Variants in RYR1 observed in about 807,000 individuals in gnomAD.
RYR1 encodes the protein ryanodine receptor 1, also known as central core disease of muscle.
In RYR1, 342 loss-of-function variants were observed where a neutral mutation model predicts 583.5. The observed-to-expected ratio is 0.59, with a 90% CI of 0.54 to 0.64. The LOEUF (loss-of-function observed/expected upper bound fraction) is 0.64, where lower values mean the gene tolerates loss of function less well. Among genes scored for constraint, RYR1 ranks in the 30% least tolerant of loss-of-function variants. The pLI is 0.00. For synonymous variants in RYR1, 2,791 were observed against 2,822.5 expected, an observed-to-expected ratio of 0.99 and a Z score of 0.35; for missense variants, 6,032 against 6,917.2, an observed-to-expected ratio of 0.87 and a Z score of 4.54.
intron 76 of RYR1, among the ~76,000 whole-genome samples, chr19:38,530,546 A>G (rs1167022902): frequency 6.6e-6 from 1 of 151,686 alleles, no homozygotes; most frequent in Non-Finnish European, 1.5e-5. Context: ...TTGGGATTAC[A>G]GGCATGAGCC....
Position 38,496,602 on chromosome 19 carries a change from C to T in RYR1, c.6796+61C>T, listed in dbSNP as rs1730977669. The T allele has an allele frequency of 6.3e-7, 1 of 1,594,798 alleles. No individual in the cohort carries two copies. The highest frequency in any genetic ancestry group is 8.6e-7 in the Non-Finnish European group (1 of 1,164,702). ...ACCCACTCCTGGCACCCCGTCCAGG[C>T]CTGCCCCACTTTCCACCAGCTCACT... On this transcript the variant is annotated intron_variant, in intron 41 of 105. Coordinates refer to ENST00000359596, the MANE Select transcript of RYR1 (RefSeq NM_000540.3). The surrounding 1 kb of genome is among the most constrained non-coding windows in gnomAD (Gnocchi z 4.8).
In RYR1 at chr19:38,475,387, C is replaced by T. The variant is rs750872878; in HGVS notation, c.4230C>T (p.Leu1410=). The T allele has an allele frequency of 6.2e-6, 10 of 1,613,810 alleles. No individual in the cohort carries two copies. The highest frequency in any genetic ancestry group is 3.3e-4 in the Middle Eastern group (2 of 6,084). The part of the protein sequence containing the change: ...QPPATPTLPR[L]PHDVVPADNR... ...CGGCCACCCCCACGCTGCCCCGACT[C>T]CCTCACGACGTGGTGCCTGCAGACA... Residue 1410 remains leucine, a synonymous_variant, in exon 29 of 106, where the codon CTC becomes CTT. Coordinates refer to ENST00000359596, the MANE Select transcript of RYR1 (RefSeq NM_000540.3).
chr19:38,500,583 CT>C lies in RYR1; in HGVS notation c.7324-22del, dbSNP rs745684309. On this transcript the variant is annotated intron_variant, in intron 45 of 105. Transcript: ENST00000359596. This position sits in a 1 kb window ranked among gnomAD's most constrained non-coding sequence, Gnocchi z 5.9. ...GGGCACCAGCGCCTGATGAGTGCCC[CT>C]CTCCCTCCCTCTACTCCCCAGCTAA... is the stretch of plus-strand genomic sequence containing the variant. The C allele has an allele frequency of 9.9e-6, 16 of 1,611,768 alleles. No individual in the cohort carries two copies. Among genetic ancestry groups the C allele is most frequent in the Non-Finnish European group, 1.4e-5 (16 of 1,179,876 alleles).
In RYR1 at chr19:38,496,426, G is replaced by T; in HGVS notation, c.6681G>T (p.Lys2227Asn). 6.2e-7 allele frequency: 1 copy of T among 1,613,848 alleles called. No homozygotes were observed. Among genetic ancestry groups the T allele is most frequent in the Non-Finnish European group, 8.5e-7 (1 of 1,180,028 alleles). Residue 2227 changes from lysine (K) to asparagine (N), a missense_variant, in exon 41 of 106, where the codon AAG (lysine) becomes AAT (asparagine). Lys to Asn is a moderately conservative substitution (Grantham distance 94, BLOSUM62 0). Around this residue, in one of 11 missense-constraint regions of RYR1, gnomAD observed 2,627 missense variants for 2,961.3 expected, o/e 0.89. Coordinates refer to ENST00000359596, the MANE Select transcript of RYR1 (RefSeq NM_000540.3). This position sits in a 1 kb window ranked among gnomAD's most constrained non-coding sequence, Gnocchi z 4.8. ...GGESKEIRFP[K>N]MVTSCCRFLC... is the part of the protein sequence containing the mutation. Reference sequence around the variant, plus strand: ...TGTCCCAGGAGATCCGCTTCCCCAAGATGGTGACAAGCTGCTGCCGCTTCC... The same window carrying T: ...TGTCCCAGGAGATCCGCTTCCCCAATATGGTGACAAGCTGCTGCCGCTTCC...
rs1364240080 is a variant in RYR1 at position 38,459,202 on chromosome 19, G to A, written c.2224G>A (p.Val742Met). Residue 742 changes from valine (V) to methionine (M), a missense_variant, in exon 19 of 106, where the codon GTG becomes ATG. Val to Met is a conservative substitution (Grantham distance 21, BLOSUM62 1). Around this residue, in one of 11 missense-constraint regions of RYR1, gnomAD observed 2,627 missense variants for 2,961.3 expected, o/e 0.89. Transcript: ENST00000359596. ...GCAGCACCTCCTGGCCCCTGAAGAC[G>A]TGATCAGCTGCTGCCTGGACCTCAG... ...PGQHLLAPED[V>M]ISCCLDLSVP... 3 of 1,614,160 alleles carry A rather than the reference G, an allele frequency of 1.9e-6. No homozygotes were observed. The highest frequency in any genetic ancestry group is 2.5e-6 in the Non-Finnish European group (3 of 1,180,032).
At position 38,527,015 on chromosome 19, in the gene RYR1, G is replaced by C; in HGVS notation, c.10649G>C (p.Arg3550Pro). ...CAGAAAGACACAGATGAGGAGGTCC[G>C]GGAATTTCTGCACAACAACCTTCAC... ...YALKDTDEEV[R>P]EFLHNNLHLQ... Residue 3550 changes from arginine to proline, a missense_variant, in exon 72 of 106, where the codon CGG (arginine) becomes CCG (proline). Physicochemically the swap from Arg to Pro is moderately radical, Grantham distance 103 (BLOSUM62 -2). Around this residue, in one of 11 missense-constraint regions of RYR1, gnomAD observed 1,493 missense variants for 1,715.5 expected, o/e 0.87. Transcript: ENST00000359596. 1 of 1,613,900 alleles carries C rather than the reference G, an allele frequency of 6.2e-7. No individual in the cohort carries two copies. Among genetic ancestry groups the C allele is most frequent in the Non-Finnish European group, 8.5e-7 (1 of 1,179,886 alleles).
rs373782352 is a variant in RYR1 at position 38,532,557 on chromosome 19, C to A, written c.11193+16C>A. ...CATGGCAAAGGTGAGGCCCTACCCC[C>A]CTCTTCTGGGGCAGATTTCCCTCTC... On this transcript the variant is annotated intron_variant, in intron 77 of 105. Transcript: ENST00000359596. 1 of 1,614,144 alleles carries A rather than the reference C, an allele frequency of 6.2e-7. No homozygotes were observed. Among genetic ancestry groups the A allele is most frequent in the Non-Finnish European group, 8.5e-7 (1 of 1,180,014 alleles).
intron 71 of RYR1, among the ~76,000 whole-genome samples, chr19:38,526,094 C>T (rs890776718): frequency 6.6e-6 from 1 of 152,018 alleles, no homozygotes; most frequent in African/African-American, 2.4e-5. Context: ...GCATAACTCC[C>T]CAGGATCCAT....
intron 1 of RYR1, among the ~76,000 whole-genome samples, chr19:38,436,209 CT>C (rs1045573135): frequency 1.3e-5 from 2 of 151,094 alleles, no homozygotes; most frequent in South Asian, 2.1e-4. Flanking sequence ...CACGCCCGGC[CT>C]TTTTTTTTCT....
intron 79 of RYR1, 101 bp from the exon 80 acceptor site, chr19:38,535,040 A>T: frequency 2.4e-6 from 3 of 1,263,980 alleles, no homozygotes; most frequent in Non-Finnish European, 3.4e-6. Context: ...CACACTCTTA[A>T]ATCCCCTTCT....
chr19:38,581,656 TG>T (rs1974215652), intron 101 of RYR1, among the ~76,000 whole-genome samples: 1 of 152,140 alleles, frequency 6.6e-6, no homozygotes. Context: ...TGGAGTGCAG[TG>T]ACATGACCTC....
At chr19:38,581,234 C>T (rs546128650) in intron 101 of RYR1, among the ~76,000 whole-genome samples, 10 of 152,166 alleles carry the variant, frequency 6.6e-5, no homozygotes, top group African/African-American at 9.7e-5. Context: ...CCCGCCACCA[C>T]GCCTGGCAAA....
intron 13 of RYR1, among the ~76,000 whole-genome samples, chr19:38,453,677 G>A (rs951400882): frequency 2.6e-5 from 4 of 151,814 alleles, no homozygotes; most frequent in African/African-American, 9.7e-5. Flanking sequence ...GGAGTGTTGG[G>A]GTTTTGCAGT....
rs2145847665 is a variant in RYR1 at position 38,565,726 on chromosome 19, A to G, written c.13392A>G (p.Glu4464=). ...ACATGGGGGACACGACGCCTGCGGA[A>G]CCGCCCACACCCGAGGGCTCTCCCA... ...LGDMGDTTPA[E]PPTPEGSPIL... is the part of the protein sequence containing the mutation. Residue 4464 remains glutamate, a synonymous_variant, in exon 91 of 106, where the codon GAA becomes GAG. Transcript: ENST00000359596. This position sits in a 1 kb window ranked among gnomAD's most constrained non-coding sequence, Gnocchi z 4.7. 7.0e-7 allele frequency: 1 copy of G among 1,429,030 alleles called. No individual in the cohort carries two copies. Among genetic ancestry groups the G allele is most frequent in the Non-Finnish European group, 9.1e-7 (1 of 1,099,362 alleles). 88.5% of individuals were successfully genotyped at this position (1,429,030 alleles called of 1,614,324 possible).
chr19:38,569,795 G>C (rs1281676269), intron 93 of RYR1, among the ~76,000 whole-genome samples: 1 of 152,184 alleles, frequency 6.6e-6, no homozygotes, highest in Non-Finnish European at 1.5e-5. Context: ...CTTCACAGGG[G>C]TGTACTGAGA....
chr19:38,464,523 C>A, intron 22 of RYR1, 116 bp from the exon 23 acceptor site: 1 of 810,432 alleles, frequency 1.2e-6, no homozygotes, highest in East Asian at 2.7e-5. Context: ...GGCCAGAGCG[C>A]CCCAGGCACT....
intron 31 of RYR1, among the ~76,000 whole-genome samples, chr19:38,480,410 A>G (rs1445543997): frequency 1.3e-5 from 2 of 151,494 alleles, no homozygotes; most frequent in South Asian, 4.2e-4. Flanking sequence ...TCCCAAAGTG[A>G]TGGGATGACA....
intron 75 of RYR1, 61 bp from the exon 76 acceptor site, chr19:38,528,889 TG>T: frequency 2.6e-6 from 4 of 1,563,472 alleles, no homozygotes; most frequent in Non-Finnish European, 3.5e-6. Flanking sequence ...AACAGGGACA[TG>T]GGGGCAGTGA....
chr19:38,525,288 T>TGGGATTG, intron 70 of RYR1, 44 bp from the exon 71 acceptor site: 1 of 1,606,452 alleles, frequency 6.2e-7, no homozygotes. Context: ...GGCTGAGGCA[T>TGGGATTG]GGGATTGGGG....
Sources: gnomAD v4.1 joint callset for allele counts (sites outside exome capture counted in the v4.1 genomes callset) on GRCh38, gnomAD v4.1.1 for gene constraint, gnomAD v4.1.1 regional missense constraint, Gnocchi (gnomAD v3.1) non-coding constraint, MANE v1.5 for transcripts, NCBI Gene and HGNC (gene_info 2026-07-23, HGNC 2026-07-21) for gene names.